Variants in RARB observed in about 807,000 individuals in gnomAD.
The protein encoded by RARB is retinoic acid receptor beta, also known as HBV-activated protein.
RARB carries 17 observed loss-of-function variants against 51.9 expected under a neutral mutation model. That is an observed-to-expected ratio of 0.33 (90% CI 0.22 to 0.49). RARB has a LOEUF of 0.49. Among genes scored for constraint, RARB ranks in the 20% least tolerant of loss-of-function variants. RARB has a pLI of 0.99. For missense variants in RARB, 369 were observed against 550.8 expected (o/e 0.67, Z 3.30); for synonymous variants, 215 against 195.4 (o/e 1.10, Z -0.84).
chr3:24,944,297 T>C (rs775836514), intron 2 of RARB, among the ~76,000 whole-genome samples: 75 of 152,238 alleles, frequency 4.9e-4, no homozygotes, highest in Admixed American at 1.1e-3. Context: ...CTTTTCTTTC[T>C]GGGTCTCAAG....
intron 5 of RARB, among the ~76,000 whole-genome samples, chr3:25,235,282 G>A (rs1293336874): frequency 6.6e-6 from 1 of 152,112 alleles, no homozygotes; most frequent in African/African-American, 2.4e-5. Flanking sequence ...GTGGTTTCTA[G>A]TGGATTTACC....
chr3:24,992,423 A>C (rs768956794), intron 2 of RARB, among the ~76,000 whole-genome samples: 5 of 152,124 alleles, frequency 3.3e-5, no homozygotes, highest in Non-Finnish European at 7.4e-5. Context: ...TCTATTAAGT[A>C]ATAGAGGCTG....
chr3:25,264,446 T>C (rs567772407), intron 5 of RARB, among the ~76,000 whole-genome samples: 10 of 152,260 alleles, frequency 6.6e-5, no homozygotes, highest in African/African-American at 2.4e-4. Context: ...GTGAATTTGG[T>C]CTTTCTCTGT....
intron 2 of RARB, among the ~76,000 whole-genome samples, chr3:24,927,779 C>T (rs145781729): frequency 6.7e-4 from 102 of 152,014 alleles, no homozygotes; most frequent in African/African-American, 2.2e-3. Context: ...TGACTGAAGC[C>T]GATTTTGGCA....
At chr3:25,163,529 A>G (rs1700510032) in intron 4 of RARB, among the ~76,000 whole-genome samples, 2 of 97,020 alleles carry the variant, frequency 2.1e-5, no homozygotes, top group Admixed American at 1.2e-4. Context: ...ATATATATAT[A>G]TATATATATT....
At chr3:25,376,854 C>A (rs1706474987) in intron 5 of RARB, among the ~76,000 whole-genome samples, 1 of 152,134 alleles carries the variant, frequency 6.6e-6, no homozygotes, top group Non-Finnish European at 1.5e-5. Context: ...TGAGAACTAC[C>A]AGGGTGTCCT....
chr3:25,562,949 C>T (rs969620507), intron 3 of RARB, among the ~76,000 whole-genome samples: 11 of 152,200 alleles, frequency 7.2e-5, no homozygotes, highest in African/African-American at 2.4e-4. Flanking sequence ...AAGTATTTGA[C>T]GTCTGTATAT....
At chr3:24,903,610 A>C (rs1207266428) in intron 2 of RARB, among the ~76,000 whole-genome samples, 1 of 152,180 alleles carries the variant, frequency 6.6e-6, no homozygotes, top group African/African-American at 2.4e-5. Flanking sequence ...TTACGCAAAC[A>C]ACACATTCAG....
In RARB at chr3:25,428,299, A is replaced by C; in HGVS notation, c.-433A>C. Reference sequence around the variant, plus strand: ...AGTAGGAAGTGAGCTGTTCAGAGGCAGGAGGGTCTATTCTTTGCCAAAGGG... The same window carrying C: ...AGTAGGAAGTGAGCTGTTCAGAGGCCGGAGGGTCTATTCTTTGCCAAAGGG... On this transcript the variant is annotated 5_prime_UTR_variant, in exon 1 of 8. Coordinates refer to ENST00000330688, the MANE Select transcript of RARB (RefSeq NM_000965.5). The C allele has an allele frequency of 7.2e-6, 9 of 1,241,508 alleles. No individual in the cohort carries two copies. The highest frequency in any genetic ancestry group is 8.1e-6 in the Non-Finnish European group (8 of 993,336). 76.9% of individuals were successfully genotyped at this position (1,241,508 alleles called of 1,614,324 possible).
chr3:25,234,142 T>C (rs1257827006), intron 5 of RARB, among the ~76,000 whole-genome samples: 1 of 152,280 alleles, frequency 6.6e-6, no homozygotes, highest in Admixed American at 6.5e-5. Flanking sequence ...TGCTATTAAT[T>C]CTTTCTTAAA....
At chr3:25,322,359 T>C (rs1334144826) in intron 5 of RARB, among the ~76,000 whole-genome samples, 1 of 152,164 alleles carries the variant, frequency 6.6e-6, no homozygotes, top group Non-Finnish European at 1.5e-5. Flanking sequence ...TATTTTATAC[T>C]TAGGGAGAGA....
intron 5 of RARB, among the ~76,000 whole-genome samples, chr3:25,197,221 C>G (rs2125367861): frequency 6.6e-6 from 1 of 152,254 alleles, no homozygotes; most frequent in East Asian, 1.9e-4. Flanking sequence ...AGTCTTTAAT[C>G]AATCTTGAAT....
At position 24,963,702 on chromosome 3, in the gene RARB, C is replaced by T. The variant is rs1048305008; in HGVS notation, c.-379-96423C>T. Among the ~76,000 whole-genome samples the T allele has an allele frequency of 2.4e-4, 36 of 151,754 alleles. 1 individual carries two copies. Among genetic ancestry groups the T allele is most frequent in the Admixed American group, 2.2e-3 (34 of 15,234 alleles). On this transcript the variant is annotated intron_variant, in intron 2 of 11. Coordinates refer to the RARB transcript ENST00000383772. The stretch of plus-strand genomic sequence containing the variant: ...TGGAGAGGAACAAGGCAGTGTGGGC[C>T]GAGCATCTCTGCCGGAGTATATAGT...
intron 2 of RARB, among the ~76,000 whole-genome samples, chr3:25,011,927 A>G (rs1697406861): frequency 6.6e-6 from 1 of 152,096 alleles, no homozygotes. Context: ...ATTTAGGGAG[A>G]GAGATCATTT....
intron 2 of RARB, among the ~76,000 whole-genome samples, chr3:25,007,593 A>AAAAAAAAAAAAAAAAAAAAC (rs1290478716): frequency 6.9e-5 from 7 of 101,526 alleles, no homozygotes; most frequent in African/African-American, 2.7e-4. Context: ...AGACTGTCTC[A>AAAAAAAAAAAAAAAAAAAAC]AAAAAAAAAA....
intron 3 of RARB, among the ~76,000 whole-genome samples, chr3:25,126,261 C>A (rs550508747): frequency 6.6e-6 from 1 of 152,124 alleles, no homozygotes; most frequent in African/African-American, 2.4e-5. Flanking sequence ...TTTCTGACCA[C>A]AAAACCCTGA....
chr3:25,277,901 A>G (rs1703432476), intron 5 of RARB, among the ~76,000 whole-genome samples: 1 of 152,196 alleles, frequency 6.6e-6, no homozygotes, highest in African/African-American at 2.4e-5. Flanking sequence ...TCCCATAAAC[A>G]TGACAACTCC....
chr3:24,839,045 G>C (rs1364367328), intron 1 of RARB, among the ~76,000 whole-genome samples: 1 of 151,770 alleles, frequency 6.6e-6, no homozygotes, highest in Non-Finnish European at 1.5e-5. Context: ...TATGGTTTTA[G>C]TCATATGGAC....
At chr3:25,421,481 G>A (rs572845758) in intron 5 of RARB, among the ~76,000 whole-genome samples, 179 of 132,478 alleles carry the variant, frequency 1.4e-3, no homozygotes, top group Admixed American at 2.4e-3. Flanking sequence ...GTGCAATCTC[G>A]GCTCACTGCA....
Sources: gnomAD v4.1 joint callset for allele counts (sites outside exome capture counted in the v4.1 genomes callset) on GRCh38, gnomAD v4.1.1 for gene constraint, MANE v1.5 for transcripts, NCBI Gene and HGNC (gene_info 2026-07-23, HGNC 2026-07-21) for gene names.